The following OPA3 variants were observed in gnomAD, a reference collection of about 807,000 sequenced individuals.
OPA3 encodes outer mitochondrial membrane lipid metabolism regulator OPA3.
A neutral mutation model predicts 4.0 loss-of-function variants in OPA3; 6 were observed. The ratio of observed to expected loss-of-function variants is 1.51; its 90% CI spans 0.83 to 2.99. The LOEUF is 2.99. OPA3 is among the 30% of genes most tolerant of loss of function. The probability of loss-of-function intolerance (pLI) is 0.00; values close to 1 mark genes in which losing one functional copy is unlikely to be tolerated. For synonymous variants in OPA3, 105 were observed against 117.1 expected, an observed-to-expected ratio of 0.90 and a Z score of 0.67; for missense variants, 235 against 256.2, an observed-to-expected ratio of 0.92 and a Z score of 0.56.
chr19:45,528,799 GGGGCGGGGTGGGATA>G, exon 2 of OPA3: 1 of 454,762 alleles, frequency 2.2e-6, no homozygotes, highest in Non-Finnish European at 3.9e-6. Context: ...TGCGCTGGCA[GGGGCGGGGTGGGATA>G]GGGCGGGGTC....
Position 45,553,566 on chromosome 19 carries a change from A to G in OPA3, c.488T>C (p.Leu163Pro). Reference protein sequence around the residue: ...RTELQEVRAQLCNPGRSASHA... With the variant: ...RTELQEVRAQPCNPGRSASHA... ...GGAAGCGGACCGGCCGGGATTGCAGAGCTGGGCGCGCACCTCTTGCAGCTC... is the reference window on the plus strand; with the variant it reads ...GGAAGCGGACCGGCCGGGATTGCAGGGCTGGGCGCGCACCTCTTGCAGCTC... The change falls in exon 2 of 2, where the codon CTC becomes CCC. Residue 163 changes from leucine to proline, a missense_variant. By Grantham distance (98) the Leu-to-Pro change is moderately conservative (BLOSUM62 -3). Coordinates refer to ENST00000263275, the MANE Select transcript of OPA3 (RefSeq NM_025136.4). The G allele has an allele frequency of 6.2e-7, 1 of 1,613,164 alleles. No individual in the cohort carries two copies.
chr19:45,529,751 G>A lies in OPA3; in HGVS notation c.143-295C>T, dbSNP rs1969038507. On this transcript the variant is annotated intron_variant, in intron 1 of 1. Transcript: ENST00000323060. ...TTTTCTTTAATTTTTCTTTTTTTGA[G>A]CCAGGGTTTCGCTCTATCGTCCAGG... is the stretch of plus-strand genomic sequence containing the variant. 2.6e-5 allele frequency among the ~76,000 whole-genome samples: 4 copies of A among 151,936 alleles called. No homozygotes were observed. The South Asian group carries it at 8.3e-4, about 32-fold the overall frequency.
intron 1 of OPA3, among the ~76,000 whole-genome samples, chr19:45,575,255 A>T (rs945935820): frequency 1.3e-5 from 2 of 151,778 alleles, no homozygotes; most frequent in Non-Finnish European, 2.9e-5. Context: ...GGTACCCGCT[A>T]AATTTTTGTA....
intron 1 of OPA3, among the ~76,000 whole-genome samples, chr19:45,557,423 A>T (rs1969437966): frequency 6.6e-6 from 1 of 152,048 alleles, no homozygotes; most frequent in African/African-American, 2.4e-5. Context: ...GACAGCTGTG[A>T]GGGGCCGGGA....
In OPA3 at chr19:45,553,579, C is replaced by A. The variant is rs1969371049; in HGVS notation, c.475G>T (p.Val159Leu). ...LEELRTELQE[V>L]RAQLCNPGRS... Reference sequence around the variant, plus strand: ...CCGGGATTGCAGAGCTGGGCGCGCACCTCTTGCAGCTCTGTGCGCAGTTCC... The same window carrying A: ...CCGGGATTGCAGAGCTGGGCGCGCAACTCTTGCAGCTCTGTGCGCAGTTCC... Residue 159 changes from valine (V) to leucine (L), a missense_variant, in exon 2 of 2, where the codon GTG becomes TTG. Transcript: ENST00000263275. 1 of 1,612,648 alleles carries A rather than the reference C, an allele frequency of 6.2e-7. No individual in the cohort carries two copies. The highest frequency in any genetic ancestry group is 1.1e-5 in the South Asian group (1 of 91,090).
intron 1 of OPA3, among the ~76,000 whole-genome samples, chr19:45,577,567 G>T (rs542037440): frequency 6.6e-6 from 1 of 152,116 alleles, no homozygotes; most frequent in African/African-American, 2.4e-5. Context: ...TCCTCCAGTC[G>T]GCTGTCTCAC....
Position 45,548,861 on chromosome 19 carries a change from T to G in OPA3, c.*4653A>C. ...CTCTGTCACCCAGGCTGGAGTATAA[T>G]GGCATGATCTCGGCTCACTGCAACC... On this transcript the variant is annotated 3_prime_UTR_variant, in exon 2 of 2. Transcript: ENST00000263275. The G allele has an allele frequency of 1.8e-6, 1 of 551,696 alleles. No individual in the cohort carries two copies. The highest frequency in any genetic ancestry group is 2.3e-6 in the Non-Finnish European group (1 of 434,304). The allele number at this position is 551,696 out of a possible 1,614,324, so 34.2% of individuals were successfully genotyped here.
intron 1 of OPA3, among the ~76,000 whole-genome samples, chr19:45,557,908 C>G (rs552224054): frequency 6.6e-6 from 1 of 152,320 alleles, no homozygotes; most frequent in East Asian, 1.9e-4. Context: ...CAGGCACACG[C>G]ATGATGCTCA....
rs762180740 is a variant in OPA3, at chr19:45,529,184, G to A, written c.415C>T (p.Gln139Ter). The change falls in exon 2 of 2, where the codon CAG becomes TAG. Residue 139 changes from glutamine to a stop codon, truncating the protein, a stop_gained. Transcript: ENST00000323060. LOFTEE classifies it low-confidence loss of function (END_TRUNC). ...AGCTGCGTCGACGTCGCCTGCACCT[G>A]CGCCTGCAACTCCTCGAGCGCCAGC... 55 of 1,610,588 alleles carry A rather than the reference G, an allele frequency of 3.4e-5. 1 individual carries two copies. The South Asian group carries it at 5.9e-4, about 17-fold the overall frequency.
intron 1 of OPA3, among the ~76,000 whole-genome samples, chr19:45,568,239 G>C (rs913416220): frequency 2.0e-5 from 3 of 151,976 alleles, no homozygotes; most frequent in South Asian, 4.2e-4. Context: ...ACCTAGGCTG[G>C]AGAGCAGTGA....
intron 1 of OPA3, among the ~76,000 whole-genome samples, chr19:45,536,779 A>G (rs1341197818): frequency 1.3e-5 from 2 of 152,216 alleles, no homozygotes; most frequent in African/African-American, 2.4e-5. Context: ...ACTGTAGTGC[A>G]GTGGGAAAAG....
chr19:45,530,192 A>G (rs1263758753), intron 1 of OPA3, among the ~76,000 whole-genome samples: 1 of 152,144 alleles, frequency 6.6e-6, no homozygotes, highest in Non-Finnish European at 1.5e-5. Flanking sequence ...CGTCTCTACT[A>G]AAAATACAAA....
At chr19:45,538,324 G>C (rs897042515) in intron 1 of OPA3, among the ~76,000 whole-genome samples, 1 of 152,104 alleles carries the variant, frequency 6.6e-6, no homozygotes, top group African/African-American at 2.4e-5. Context: ...AGGAGGCTGA[G>C]GGGGGAGGAT....
chr19:45,568,960 C>A (rs1969622542), intron 1 of OPA3, among the ~76,000 whole-genome samples: 1 of 152,102 alleles, frequency 6.6e-6, no homozygotes, highest in Admixed American at 6.6e-5. Context: ...CTGAGTCATG[C>A]CTCTTAGAAC....
At chr19:45,575,565 A>G (rs193141405) in intron 1 of OPA3, among the ~76,000 whole-genome samples, 2 of 152,158 alleles carry the variant, frequency 1.3e-5, no homozygotes, top group Non-Finnish European at 2.9e-5. Context: ...TCCCACGGCC[A>G]CTATAACAAA....
In OPA3 at chr19:45,582,284, C is replaced by T. The variant is rs1969867693; in HGVS notation, c.142+2339G>A. Among the ~76,000 whole-genome samples, 10 of 152,040 alleles carry T rather than the reference C, an allele frequency of 6.6e-5. No individual in the cohort carries two copies. The South Asian group carries it at 1.9e-3, about 28-fold the overall frequency. ...AAGCGATTCTCATGCTCCAGCCTCC[C>T]GAGTAGCTGGGATTATAGGCGCCCG... On this transcript the variant is annotated intron_variant, in intron 1 of 1. Coordinates refer to ENST00000263275, the MANE Select transcript of OPA3 (RefSeq NM_025136.4).
intron 1 of OPA3, among the ~76,000 whole-genome samples, chr19:45,529,748 T>C (rs1260632008): frequency 6.6e-6 from 1 of 152,224 alleles, no homozygotes; most frequent in East Asian, 1.9e-4. Context: ...TTTCTTTTTT[T>C]GAGCCAGGGT....
chr19:45,536,615 G>A (rs1199114695), intron 1 of OPA3, among the ~76,000 whole-genome samples: 1 of 151,414 alleles, frequency 6.6e-6, no homozygotes, highest in Non-Finnish European at 1.5e-5. Flanking sequence ...GAGAAAAACT[G>A]GAGACCTTAC....
At chr19:45,578,829 A>C (rs997900614) in intron 1 of OPA3, among the ~76,000 whole-genome samples, 2 of 151,760 alleles carry the variant, frequency 1.3e-5, no homozygotes, top group African/African-American at 4.8e-5. Context: ...TCTGTCTCAA[A>C]AAATAAAATA....
Sources: allele counts gnomAD v4.1 joint callset (sites outside exome capture counted in the v4.1 genomes callset), GRCh38; gene constraint gnomAD v4.1.1; transcripts MANE v1.5; gene names NCBI Gene and HGNC (gene_info 2026-07-23, HGNC 2026-07-21).